MAP3K15: variants seen among roughly 807,000 people sequenced by gnomAD.
MAP3K15 encodes the protein MAPK/ERK kinase kinase 15.
MAP3K15 carries 124 observed loss-of-function variants against 99.5 expected under a neutral mutation model. The observed-to-expected ratio is 1.25, with a 90% CI of 1.08 to 1.45. MAP3K15 has a LOEUF of 1.45. Ranked by LOEUF, MAP3K15 falls within the 40% of genes most tolerant of loss-of-function variation. MAP3K15 has a pLI of 0.00. For missense variants in MAP3K15, 1,242 were observed against 1,079.7 expected, an observed-to-expected ratio of 1.15 and a Z score of -2.11; for synonymous variants, 494 against 439.6, an observed-to-expected ratio of 1.12 and a Z score of -1.55.
At chrX:19,497,260 C>G (rs2064411992) in intron 1 of MAP3K15, 1 of 108,075 alleles carries the variant, frequency 9.3e-6, no homozygotes, top group Non-Finnish European at 1.9e-5. Context: ...CTCCCACGTT[C>G]AAGCGATTCT....
intron 19 of MAP3K15, among the ~76,000 whole-genome samples, chrX:19,379,596 C>T (rs1485940607): frequency 7.3e-5 from 8 of 109,733 alleles, no homozygotes; most frequent in African/African-American, 2.0e-4. Context: ...TACAGGCATG[C>T]GCCACCACGT....
chrX:19,432,362 G>C (rs1227695229), intron 6 of MAP3K15, among the ~76,000 whole-genome samples: 3 of 109,733 alleles, frequency 2.7e-5, no homozygotes, highest in Admixed American at 9.8e-5. Flanking sequence ...TCAGGAATTC[G>C]AGACCAGCCT....
chrX:19,392,380 T>C lies in MAP3K15; in HGVS notation c.2288A>G (p.Tyr763Cys), dbSNP rs1297814073. The change falls in exon 17 of 29, where the codon TAT becomes TGT. Residue 763 changes from tyrosine to cysteine, a missense_variant. Coordinates refer to ENST00000338883, the MANE Select transcript of MAP3K15 (RefSeq NM_001001671.4). ...GTGCACGATCTGGTTTTCATGAAGA[T>C]ACTTAAGGCCCTCCAGGATCTGTTT... ...YTKQILEGLK[Y>C]LHENQIVHRD... The C allele has an allele frequency of 8.3e-7, 1 of 1,209,785 alleles. No homozygotes were observed. The highest frequency in any genetic ancestry group is 2.2e-5 in the Admixed American group (1 of 45,761).
At chrX:19,367,292 T>C (rs1032950947) in intron 25 of MAP3K15, among the ~76,000 whole-genome samples, 7 of 110,230 alleles carry the variant, frequency 6.4e-5, no homozygotes, top group Non-Finnish European at 1.3e-4. Flanking sequence ...TATGGACACA[T>C]AGAGGGGAAC....
intron 6 of MAP3K15, among the ~76,000 whole-genome samples, chrX:19,450,438 T>C (rs1416205723): frequency 9.1e-6 from 1 of 110,139 alleles, no homozygotes; most frequent in African/African-American, 3.2e-5. Context: ...GATGCCATAA[T>C]ATTCTGAATA....
At position 19,514,916 on chromosome X, in the gene MAP3K15, C is replaced by T; in HGVS notation, c.346G>A (p.Ala116Thr). ...CCGCTCTCACCTGCGTCGTAGAAGG[C>T]GTCGAGCACGGCCGTCTCCCCGAAG... ...LDFGETAVLD[A>T]FYDADVAVVD... Residue 116 changes from alanine to threonine, a missense_variant, in exon 1 of 29, where the codon GCC becomes ACC. By Grantham distance (58) the Ala-to-Thr change is moderately conservative (BLOSUM62 0). Transcript: ENST00000338883. 1.8e-6 allele frequency: 2 copies of T among 1,129,247 alleles called. No homozygotes were observed. The highest frequency in any genetic ancestry group is 1.9e-5 in the South Asian group (1 of 52,042). The allele number at this position is 1,129,247 out of a possible 1,213,427, so 93.1% of individuals were successfully genotyped here.
intron 1 of MAP3K15, among the ~76,000 whole-genome samples, chrX:19,511,250 A>G (rs1439169628): frequency 8.9e-6 from 1 of 112,386 alleles, no homozygotes; most frequent in Admixed American, 9.5e-5. Flanking sequence ...CATTCAGGAC[A>G]TAGGCATGGG....
At chrX:19,429,154 C>G (rs964311934) in intron 7 of MAP3K15, among the ~76,000 whole-genome samples, 13 of 110,524 alleles carry the variant, frequency 1.2e-4, no homozygotes, top group Admixed American at 9.7e-4. Context: ...TTCAGGACAC[C>G]TAGAATGGTG....
chrX:19,408,230 C>T (rs767068779), intron 12 of MAP3K15, among the ~76,000 whole-genome samples: 2 of 111,910 alleles, frequency 1.8e-5, no homozygotes, highest in African/African-American at 3.2e-5. Flanking sequence ...GAGGATGATA[C>T]GCCCTCAGGC....
chrX:19,388,435 G>A (rs1468637946), intron 18 of MAP3K15, among the ~76,000 whole-genome samples: 2 of 111,954 alleles, frequency 1.8e-5, no homozygotes, highest in African/African-American at 6.5e-5. Context: ...AGTCCAATGG[G>A]TTCAACACGT....
chrX:19,386,654 C>T (rs968947846), intron 18 of MAP3K15, among the ~76,000 whole-genome samples: 1 of 111,072 alleles, frequency 9.0e-6, no homozygotes, highest in Non-Finnish European at 1.9e-5. Context: ...ACTCAGCCCC[C>T]CTAGGGCACA....
intron 6 of MAP3K15, among the ~76,000 whole-genome samples, chrX:19,453,600 C>T (rs748488199): frequency 2.7e-5 from 3 of 110,532 alleles, no homozygotes; most frequent in Admixed American, 1.9e-4. Context: ...ACATTTTGGG[C>T]CCTTGCCTTT....
chrX:19,421,008 C>A (rs1289837647), intron 9 of MAP3K15, among the ~76,000 whole-genome samples: 8 of 111,227 alleles, frequency 7.2e-5, no homozygotes, highest in East Asian at 2.8e-4. Flanking sequence ...ACTCTCAATA[C>A]ATTAGGTATT....
rs12394113 is a variant in MAP3K15 at position 19,425,249 on chromosome X, T to C, written c.1439+282A>G. 0.038 allele frequency among the ~76,000 whole-genome samples: 4,198 copies of C among 111,624 alleles called. 103 individuals are homozygous for C. Among genetic ancestry groups the C allele is most frequent in the South Asian group, 0.14 (374 of 2,615 alleles). On this transcript the variant is annotated intron_variant, in intron 9 of 28. Transcript: ENST00000338883. ...TTTCTCACAAATGCATAATACATAC[T>C]AGTAGCCAAGAGTGTTTTTCTCTTG... is the stretch of plus-strand genomic sequence containing the variant.
At chrX:19,512,642 C>CTTTTTTTTT (rs896407684) in intron 1 of MAP3K15, among the ~76,000 whole-genome samples, 3 of 71,251 alleles carry the variant, frequency 4.2e-5, no homozygotes, top group African/African-American at 2.0e-4. Flanking sequence ...CCACATCCTG[C>CTTTTTTTTT]TTTTTTTTTT....
At chrX:19,447,655 A>G (rs760476110) in intron 6 of MAP3K15, among the ~76,000 whole-genome samples, 4 of 106,710 alleles carry the variant, frequency 3.7e-5, no homozygotes, top group Admixed American at 1.0e-4. Context: ...AGGCCGAGGC[A>G]GGCAGATCAC....
chrX:19,461,891 C>A lies in MAP3K15; in HGVS notation c.720-1738G>T, dbSNP rs1431986915. On this transcript the variant is annotated intron_variant, in intron 4 of 28. Transcript: ENST00000338883. ...CTGTAATCCCAGCTACTTCGGAGGT[C>A]GAGGCAGGAGAATCGCTCGAACCCG... 2.7e-5 allele frequency among the ~76,000 whole-genome samples: 3 copies of A among 109,907 alleles called. No homozygotes were observed. The Admixed American group carries it at 3.0e-4, about 11-fold the overall frequency.
intron 1 of MAP3K15, among the ~76,000 whole-genome samples, chrX:19,510,794 C>A (rs2064512482): frequency 8.9e-6 from 1 of 111,842 alleles, no homozygotes; most frequent in Non-Finnish European, 1.9e-5. Context: ...TAGAAAACCC[C>A]ACGGTCTCAG....
intron 6 of MAP3K15, among the ~76,000 whole-genome samples, chrX:19,438,711 A>G (rs147205835): frequency 2.7e-5 from 3 of 112,036 alleles, no homozygotes; most frequent in African/African-American, 9.7e-5. Flanking sequence ...AATCCCAATA[A>G]ATCCTCCTTC....
Sources: gnomAD v4.1 joint callset for allele counts (sites outside exome capture counted in the v4.1 genomes callset) on GRCh38, gnomAD v4.1.1 for gene constraint, MANE v1.5 for transcripts, NCBI Gene and HGNC (gene_info 2026-07-23, HGNC 2026-07-21) for gene names.